COX16: variants seen among roughly 807,000 people sequenced by gnomAD.
COX16 encodes the protein cytochrome c oxidase assembly protein COX16 homolog, mitochondrial.
COX16 carries 12 observed loss-of-function variants against 15.4 expected under a neutral mutation model. The observed-to-expected ratio is 0.78, with a 90% CI of 0.50 to 1.26. COX16 has a LOEUF of 1.26. Ranked by LOEUF, COX16 falls within the 50% of genes most tolerant of loss-of-function variation. The pLI is 0.00. For missense variants in COX16, 124 were observed against 127.6 expected, an observed-to-expected ratio of 0.97 and a Z score of 0.14; for synonymous variants, 46 against 41.1, an observed-to-expected ratio of 1.12 and a Z score of -0.46.
At chr14:70,330,079 TC>T (rs1886233207) in intron 2 of COX16, among the ~76,000 whole-genome samples, 1 of 151,822 alleles carries the variant, frequency 6.6e-6, no homozygotes, top group African/African-American at 2.4e-5. Context: ...TAGCAATGAG[TC>T]CTCAGACTGA....
At chr14:70,342,867 C>A in intron 1 of COX16, 138 bp from the exon 2 acceptor site, 1 of 861,954 alleles carries the variant, frequency 1.2e-6, no homozygotes. Context: ...TGGTGAGTCA[C>A]CATTCATCTT....
intron 1 of COX16, among the ~76,000 whole-genome samples, chr14:70,358,381 T>A (rs899448152): frequency 2.0e-4 from 30 of 147,066 alleles, no homozygotes; most frequent in South Asian, 2.0e-3. Flanking sequence ...ATTTTTTTTT[T>A]TTTTTTTTTT....
chr14:70,332,209 T>G (rs1304792377), intron 2 of COX16, among the ~76,000 whole-genome samples: 1 of 152,212 alleles, frequency 6.6e-6, no homozygotes, highest in Non-Finnish European at 1.5e-5. Flanking sequence ...AAAGTGACCC[T>G]GTGGCTCTGC....
intron 1 of COX16, among the ~76,000 whole-genome samples, chr14:70,350,246 C>A (rs1205888811): frequency 1.3e-5 from 2 of 152,168 alleles, no homozygotes; most frequent in African/African-American, 2.4e-5. Flanking sequence ...GGAAGACACA[C>A]CCCTGAAGAC....
At chr14:70,357,262 A>G (rs1294948662) in intron 1 of COX16, among the ~76,000 whole-genome samples, 1 of 151,356 alleles carries the variant, frequency 6.6e-6, no homozygotes, top group Non-Finnish European at 1.5e-5. Context: ...TCCTTAGAGG[A>G]CTCTGAAAAG....
intron 1 of COX16, chr14:70,359,139 G>A: frequency 4.3e-6 from 2 of 460,260 alleles, no homozygotes; most frequent in South Asian, 1.5e-5. Flanking sequence ...AGTTGGGGGC[G>A]AGGAAGCAAG....
At chr14:70,359,449 C>G (rs8003323) in intron 1 of COX16, 70 bp downstream of exon 1, 27,166 of 1,381,118 alleles carry the variant, frequency 0.02, 394 homozygotes, top group African/African-American at 0.051. Context: ...TACAGATTCC[C>G]TCCCAGGTCT....
intron 2 of COX16, among the ~76,000 whole-genome samples, chr14:70,330,598 A>C (rs149122031): frequency 2.4e-4 from 36 of 152,358 alleles, no homozygotes; most frequent in Non-Finnish European, 4.0e-4. Context: ...GCAACATACC[A>C]AAAAGACAGC....
Position 70,326,281 on chromosome 14 carries a change from T to TTAA in COX16, c.*49_*51dup. On this transcript the variant is annotated 3_prime_UTR_variant, in exon 4 of 4. Coordinates refer to ENST00000389912, the MANE Select transcript of COX16 (RefSeq NM_016468.7). ...TAGAAGTATATATTAGGAAGTCCAG[T>TTAA]TAATAATATTTTTATTTAAAAAAAA... 1 of 1,359,026 alleles carries TTAA rather than the reference T, an allele frequency of 7.4e-7. No individual in the cohort carries two copies. The highest frequency in any genetic ancestry group is 1.7e-5 in the South Asian group (1 of 58,350). The allele number at this position is 1,359,026 out of a possible 1,614,324, so 84.2% of individuals were successfully genotyped here. A position where few individuals can be genotyped will look rare whatever the true frequency, so the allele number is the denominator to read the frequency against.
chr14:70,352,412 C>A (rs1163266817), intron 1 of COX16, among the ~76,000 whole-genome samples: 1 of 152,080 alleles, frequency 6.6e-6, no homozygotes, highest in Non-Finnish European at 1.5e-5. Context: ...GTCTTGAACT[C>A]CTGGGCTCAA....
At chr14:70,329,273 T>A (rs1371493529) in intron 2 of COX16, 37 bp from the exon 3 acceptor site, 1 of 1,572,916 alleles carries the variant, frequency 6.4e-7, no homozygotes, top group Non-Finnish European at 8.6e-7. Flanking sequence ...GTTATCTAAG[T>A]CTGTTTGTTA....
At chr14:70,351,922 T>A in intron 1 of COX16, among the ~76,000 whole-genome samples, 1 of 152,164 alleles carries the variant, frequency 6.6e-6, no homozygotes, top group East Asian at 1.9e-4. Context: ...GGATCAAACT[T>A]TATTTTTTTG....
At chr14:70,340,460 C>G (rs1423088406) in intron 2 of COX16, among the ~76,000 whole-genome samples, 1 of 152,174 alleles carries the variant, frequency 6.6e-6, no homozygotes, top group Non-Finnish European at 1.5e-5. Flanking sequence ...AAACCAAAAC[C>G]TTGAGACATC....
chr14:70,357,459 G>A (rs1463338828), intron 1 of COX16, among the ~76,000 whole-genome samples: 2 of 152,182 alleles, frequency 1.3e-5, no homozygotes, highest in African/African-American at 4.8e-5. Context: ...ATGGCTGAAT[G>A]TTGAAAGCAT....
intron 1 of COX16, among the ~76,000 whole-genome samples, chr14:70,349,587 A>C (rs1292003653): frequency 6.6e-6 from 1 of 152,224 alleles, no homozygotes; most frequent in African/African-American, 2.4e-5. Flanking sequence ...AGTTGAAAAA[A>C]TGAACTCTGT....
chr14:70,348,669 G>A (rs1886854272), intron 1 of COX16, among the ~76,000 whole-genome samples: 1 of 152,072 alleles, frequency 6.6e-6, no homozygotes, highest in Non-Finnish European at 1.5e-5. Context: ...CTAGTAACCA[G>A]ACAACAAATT....
chr14:70,329,328 C>A, intron 2 of COX16, 92 bp from the exon 3 acceptor site: 3 of 1,102,748 alleles, frequency 2.7e-6, no homozygotes, highest in Non-Finnish European at 3.8e-6. Flanking sequence ...GGCTGAAATA[C>A]TATAGCCAAA....
At chr14:70,353,625 C>A (rs1005110317) in intron 1 of COX16, among the ~76,000 whole-genome samples, 1 of 151,616 alleles carries the variant, frequency 6.6e-6, no homozygotes, top group Non-Finnish European at 1.5e-5. Context: ...GTAATTCTCC[C>A]GTCTCAGTCT....
At chr14:70,353,495 T>TAGAC (rs1261017782) in intron 1 of COX16, among the ~76,000 whole-genome samples, 1 of 149,916 alleles carries the variant, frequency 6.7e-6, no homozygotes, top group African/African-American at 2.4e-5. Context: ...CACATAGAGA[T>TAGAC]AGATAGATAG....
Sources: gnomAD v4.1 joint callset for allele counts (sites outside exome capture counted in the v4.1 genomes callset) on GRCh38, gnomAD v4.1.1 for gene constraint, MANE v1.5 for transcripts, NCBI Gene and HGNC (gene_info 2026-07-23, HGNC 2026-07-21) for gene names.